Variants in PRKAR1B observed in about 807,000 individuals in gnomAD.
The protein encoded by PRKAR1B is cAMP-dependent protein kinase type I-beta regulatory subunit.
In PRKAR1B, 22 loss-of-function variants were observed where a neutral mutation model predicts 46.5. The ratio of observed to expected loss-of-function variants is 0.47; its 90% confidence interval spans 0.34 to 0.68. The LOEUF is 0.68. PRKAR1B is among the 30% of genes least tolerant of loss of function. The probability of loss-of-function intolerance (pLI) is 0.01; values close to 1 mark genes in which losing one functional copy is unlikely to be tolerated. For synonymous variants in PRKAR1B, 259 were observed against 217.7 expected (o/e 1.19, Z -1.67); for missense variants, 445 against 535.6 (o/e 0.83, Z 1.67).
At chr7:707,722 C>CA (rs1216239596) in intron 2 of PRKAR1B, among the ~76,000 whole-genome samples, 3 of 152,296 alleles carry the variant, frequency 2.0e-5, no homozygotes, top group African/African-American at 7.2e-5. Context: ...GGGGGCAGAA[C>CA]ACCATGTGAA....
At chr7:587,780 A>C (rs1281005945) in intron 7 of PRKAR1B, among the ~76,000 whole-genome samples, 1 of 152,198 alleles carries the variant, frequency 6.6e-6, no homozygotes, top group Non-Finnish European at 1.5e-5. Flanking sequence ...GAGGCCCTGC[A>C]GGAGTGGAGC....
At chr7:728,621 C>T (rs1381817001), upstream of PRKAR1B, among the ~76,000 whole-genome samples, 6 of 152,236 alleles carry the variant, frequency 3.9e-5, no homozygotes, top group East Asian at 3.8e-4. Flanking sequence ...TCTTCTTCAT[C>T]CTCAACCACT....
intron 4 of PRKAR1B, among the ~76,000 whole-genome samples, chr7:646,112 C>T (rs1442905686): frequency 6.6e-6 from 1 of 152,064 alleles, no homozygotes; most frequent in Non-Finnish European, 1.5e-5. Flanking sequence ...GTGGTGCAAT[C>T]ATAGCTCACT....
At position 691,732 on chromosome 7, in the gene PRKAR1B, G is replaced by T. The variant is rs1779439879; in HGVS notation, c.178-11006C>A. The T allele has an allele frequency of 3.2e-6, 4 of 1,242,758 alleles. No individual in the cohort carries two copies. The South Asian group carries it at 5.5e-5, about 17-fold the overall frequency. The allele number at this position is 1,242,758 out of a possible 1,614,324, so 77.0% of individuals were successfully genotyped here. On this transcript the variant is annotated intron_variant, in intron 2 of 10. Transcript: ENST00000537384. Reference sequence around the variant, plus strand: ...CTCGTGGACAAAACCCCGGGGAGGGGAATCCAGGGTGCTGAGGGGATGGAC... The same window carrying T: ...CTCGTGGACAAAACCCCGGGGAGGGTAATCCAGGGTGCTGAGGGGATGGAC...
chr7:567,608 CAGCAGT>C (rs1044539623), intron 9 of PRKAR1B, among the ~76,000 whole-genome samples: 7 of 152,272 alleles, frequency 4.6e-5, no homozygotes, highest in African/African-American at 1.4e-4. Context: ...GTGGCAGCAG[CAGCAGT>C]AGCAGCAAAA....
At chr7:725,195 C>T (rs1169634109) in intron 1 of PRKAR1B, among the ~76,000 whole-genome samples, 3 of 139,300 alleles carry the variant, frequency 2.2e-5, no homozygotes, top group Non-Finnish European at 4.6e-5. Context: ...GGCTGGGCGA[C>T]AGAGCAAGAT....
chr7:557,541 A>T (rs1778521217), intron 9 of PRKAR1B, among the ~76,000 whole-genome samples: 1 of 152,186 alleles, frequency 6.6e-6, no homozygotes, highest in African/African-American at 2.4e-5. Context: ...CAGCAGAAAG[A>T]CAGGGAACAG....
chr7:566,362 T>TATTCACCATTTCATCACCTC (rs2128430456), intron 9 of PRKAR1B, among the ~76,000 whole-genome samples: 1 of 22,412 alleles, frequency 4.5e-5, no homozygotes, highest in Admixed American at 4.6e-4. Context: ...ATCATCACCA[T>TATTCACCATTTCATCACCTC]ATTCACCATT....
intron 2 of PRKAR1B, among the ~76,000 whole-genome samples, chr7:681,845 G>C (rs560173668): frequency 1.2e-4 from 18 of 152,266 alleles, no homozygotes; most frequent in African/African-American, 4.3e-4. Flanking sequence ...CAGGGCCAAT[G>C]TGCCTTTCCT....
At chr7:647,202 C>T (rs1330324869) in intron 4 of PRKAR1B, among the ~76,000 whole-genome samples, 2 of 152,172 alleles carry the variant, frequency 1.3e-5, no homozygotes, top group African/African-American at 4.8e-5. Flanking sequence ...CAGCAACCCC[C>T]AACCTGCGGA....
intron 4 of PRKAR1B, among the ~76,000 whole-genome samples, chr7:672,381 G>A (rs920995388): frequency 6.6e-6 from 1 of 151,584 alleles, no homozygotes; most frequent in Non-Finnish European, 1.5e-5. Flanking sequence ...TGAACTCCTG[G>A]CCTCAAGTGA....
intron 4 of PRKAR1B, among the ~76,000 whole-genome samples, chr7:628,219 C>T (rs1035390236): frequency 1.3e-5 from 2 of 152,234 alleles, no homozygotes; most frequent in South Asian, 4.1e-4. Flanking sequence ...ATGGGCTCTG[C>T]GGGCACCGGA....
At chr7:685,275 TATAC>T (rs1376296133) in intron 2 of PRKAR1B, among the ~76,000 whole-genome samples, 9 of 29,700 alleles carry the variant, frequency 3.0e-4, no homozygotes, top group African/African-American at 9.6e-4. Context: ...TATACGTATA[TATAC>T]GTATATATAT....
intron 9 of PRKAR1B, among the ~76,000 whole-genome samples, chr7:577,017 C>A (rs1328303359): frequency 7.2e-6 from 1 of 138,258 alleles, no homozygotes; most frequent in Non-Finnish European, 1.6e-5. Flanking sequence ...CATCAGTCGC[C>A]TCACCCAACG....
At chr7:715,922 A>G (rs981655064) in intron 1 of PRKAR1B, among the ~76,000 whole-genome samples, 15 of 152,166 alleles carry the variant, frequency 9.9e-5, no homozygotes, top group East Asian at 3.9e-4. Context: ...TCACCGTGTT[A>G]GCCAGGATGG....
intron 6 of PRKAR1B, among the ~76,000 whole-genome samples, chr7:599,225 C>T (rs1205636747): frequency 6.6e-6 from 1 of 152,214 alleles, no homozygotes; most frequent in African/African-American, 2.4e-5. Flanking sequence ...TCACCACTCC[C>T]GGCGCAGTGC....
At chr7:652,353 A>C (rs113279462) in intron 4 of PRKAR1B, among the ~76,000 whole-genome samples, 196 of 80,624 alleles carry the variant, frequency 2.4e-3, no homozygotes, top group Middle Eastern at 0.01. Context: ...ACCCACACAG[A>C]GCTAGGAACC....
At chr7:581,302 CAAAAAAA>C (rs758386135) in intron 8 of PRKAR1B, among the ~76,000 whole-genome samples, 89 of 103,116 alleles carry the variant, frequency 8.6e-4, no homozygotes, top group South Asian at 8.3e-4. Flanking sequence ...CACTCTGTCT[CAAAAAAA>C]AAAAAAAAAA....
At position 642,732 on chromosome 7, in the gene PRKAR1B, C is replaced by CA. The variant is rs1248939007; in HGVS notation, c.440+34496dup. 6.5e-3 allele frequency among the ~76,000 whole-genome samples: 479 copies of CA among 73,976 alleles called. 3 individuals carry two copies. The highest frequency in any genetic ancestry group is 0.038 in the Middle Eastern group (4 of 106). The allele number at this position is 73,976 out of a possible 152,430, so 48.5% of individuals were successfully genotyped here. On this transcript the variant is annotated intron_variant, in intron 4 of 10. Transcript: ENST00000537384. Reference sequence around the variant, plus strand: ...TGGGCGACAGAGCGAGACTCCGTCTCAAAAAAAAAAAAAAAAAGAAAGAAA... The same window carrying CA: ...TGGGCGACAGAGCGAGACTCCGTCTCAAAAAAAAAAAAAAAAAAGAAAGAAA...
Sources: allele counts gnomAD v4.1 joint callset (sites outside exome capture counted in the v4.1 genomes callset), GRCh38; gene constraint gnomAD v4.1.1; transcripts MANE v1.5; gene names NCBI Gene and HGNC (gene_info 2026-07-23, HGNC 2026-07-21).